Variants in FADS2 observed in about 807,000 individuals in gnomAD.
The protein encoded by FADS2 is acyl-CoA 6-desaturase.
In FADS2, 18 loss-of-function variants were observed where a neutral mutation model predicts 61.2. The observed-to-expected ratio is 0.29, with a 90% CI of 0.20 to 0.44. FADS2 has a LOEUF of 0.44. FADS2 is among the 20% of genes least tolerant of loss of function. The pLI, the probability that FADS2 is intolerant of heterozygous loss-of-function variation, is 1.00. For missense variants in FADS2, 322 were observed against 572.7 expected (o/e 0.56, Z 4.47); for synonymous variants, 203 against 223.9 (o/e 0.91, Z 0.83).
In FADS2 at chr11:61,816,750, G is replaced by A. The variant is rs1299283212; in HGVS notation, c.141+324G>A. The A allele has an allele frequency of 1.3e-6, 2 of 1,549,022 alleles. No homozygotes were observed. The highest frequency in any genetic ancestry group is 1.7e-6 in the Non-Finnish European group (2 of 1,148,388). Reference sequence around the variant, plus strand: ...CCGCGGTCTCGGCGGCCACCGGGTCGGGGGCCATAGCTGGCCTGGCGACGC... The same window carrying A: ...CCGCGGTCTCGGCGGCCACCGGGTCAGGGGCCATAGCTGGCCTGGCGACGC... On this transcript the variant is annotated intron_variant, in intron 1 of 11. Transcript: ENST00000257261. The surrounding 1 kb of genome is among the most constrained non-coding windows in gnomAD (Gnocchi z 7.0).
chr11:61,843,719 C>T (rs1334471348), intron 4 of FADS2, among the ~76,000 whole-genome samples: 4 of 152,154 alleles, frequency 2.6e-5, no homozygotes, highest in African/African-American at 9.7e-5. Context: ...AGTGCAATGG[C>T]GTGATCTCAA....
intron 10 of FADS2, among the ~76,000 whole-genome samples, chr11:61,864,890 A>G (rs2067452910): frequency 6.6e-6 from 1 of 152,118 alleles, no homozygotes; most frequent in African/African-American, 2.4e-5. Flanking sequence ...TTTGAAAAAC[A>G]TGACACTTTG....
At chr11:61,839,071 C>T (rs1299667040) in intron 2 of FADS2, among the ~76,000 whole-genome samples, 2 of 152,112 alleles carry the variant, frequency 1.3e-5, no homozygotes, top group Non-Finnish European at 2.9e-5. Context: ...CCGGCCCTGC[C>T]CCTGCCTCTT....
At chr11:61,830,707 C>A (rs923380663) in intron 1 of FADS2, among the ~76,000 whole-genome samples, 1 of 152,204 alleles carries the variant, frequency 6.6e-6, no homozygotes, top group African/African-American at 2.4e-5. Flanking sequence ...GATGTCATTA[C>A]TGGGCTCATC....
chr11:61,835,193 G>A (rs2135957784), intron 1 of FADS2, among the ~76,000 whole-genome samples: 1 of 152,110 alleles, frequency 6.6e-6, no homozygotes, highest in East Asian at 1.9e-4. Context: ...TTAAGAAACC[G>A]TGGGCCCAGT....
intron 4 of FADS2, 78 bp downstream of exon 4, chr11:61,840,803 G>C (rs1378646671): frequency 2.5e-5 from 27 of 1,087,676 alleles, no homozygotes; most frequent in Non-Finnish European, 3.4e-5. Flanking sequence ...TCTCTGCTCA[G>C]TGCTCTGAGG....
Position 61,860,780 on chromosome 11 carries a change from G to T in FADS2, c.883-2192G>T, listed in dbSNP as rs1300042593. On this transcript the variant is annotated intron_variant, in intron 7 of 11. Coordinates refer to ENST00000278840, the MANE Select transcript of FADS2 (RefSeq NM_004265.4). ...TACAAAAAGCTGGGCGTGGTGATGC[G>T]CGCCTGTAATCTACCTACTTTGGAG... Among the ~76,000 whole-genome samples the T allele has an allele frequency of 5.9e-5, 9 of 152,100 alleles. No individual in the cohort carries two copies. In the South Asian group the frequency reaches 1.9e-3, roughly 32 times the overall value.
rs535378345 is a variant in FADS2, at chr11:61,863,838, G to A, written c.1157+52G>A. 8 of 1,408,084 alleles carry A rather than the reference G, an allele frequency of 5.7e-6. No individual in the cohort carries two copies. In the Admixed American group the frequency reaches 1.2e-4, roughly 21 times the overall value. The allele number at this position is 1,408,084 out of a possible 1,614,324, so 87.2% of individuals were successfully genotyped here. A position where few individuals can be genotyped will look rare whatever the true frequency, so the allele number is the denominator to read the frequency against. On this transcript the variant is annotated intron_variant, in intron 10 of 11. Transcript: ENST00000278840. ...GGAGACCCACAGCGGGAGGGAAGTG[G>A]CCGCTATCCCACTGGGCAGAATGCA...
At chr11:61,841,742 A>G (rs147503070) in intron 4 of FADS2, among the ~76,000 whole-genome samples, 62 of 152,286 alleles carry the variant, frequency 4.1e-4, no homozygotes, top group African/African-American at 1.5e-3. Flanking sequence ...AGCCACTTCA[A>G]ATACTCTTTG....
At chr11:61,862,922 C>G in intron 7 of FADS2, 50 bp from the exon 8 acceptor site, 2 of 1,477,532 alleles carry the variant, frequency 1.4e-6, no homozygotes, top group Non-Finnish European at 1.9e-6. Flanking sequence ...GCACTTGGTG[C>G]CAGGGCAGAG....
At chr11:61,839,887 T>C (rs1444816197) in intron 2 of FADS2, among the ~76,000 whole-genome samples, 2 of 152,252 alleles carry the variant, frequency 1.3e-5, no homozygotes, top group African/African-American at 4.8e-5. Context: ...CCTGTTTCCC[T>C]TAGCATGATG....
At chr11:61,822,420 T>C (rs1464292607) in intron 1 of FADS2, among the ~76,000 whole-genome samples, 1 of 152,252 alleles carries the variant, frequency 6.6e-6, no homozygotes, top group Non-Finnish European at 1.5e-5. Flanking sequence ...AACTTATTTA[T>C]AACTTTTAGT....
chr11:61,840,657 C>T lies in FADS2; in HGVS notation c.550C>T (p.His184Tyr). The T allele has an allele frequency of 6.2e-7, 1 of 1,614,170 alleles. No homozygotes were observed. Among genetic ancestry groups the T allele is most frequent in the Non-Finnish European group, 8.5e-7 (1 of 1,180,020 alleles). ...TGGATGGCTGCAACATGATTATGGC[C>T]ACCTGTCTGTCTACAGAAAACCCAA... is the stretch of plus-strand genomic sequence containing the variant. ...QAGWLQHDYG[H>Y]LSVYRKPKWN... Residue 184 changes from histidine to tyrosine, a missense_variant, in exon 4 of 12, where the codon CAC (histidine) becomes TAC (tyrosine). This residue lies in a region of FADS2 where 221 missense variants were observed against 427.9 expected (regional missense o/e 0.52). Coordinates refer to ENST00000278840, the MANE Select transcript of FADS2 (RefSeq NM_004265.4).
At chr11:61,833,906 C>T (rs2524296) in intron 1 of FADS2, among the ~76,000 whole-genome samples, 14,742 of 152,242 alleles carry the variant, frequency 0.097, 1,314 homozygotes, top group East Asian at 0.4. Flanking sequence ...TATTAGGCCC[C>T]GTTACAGGCA....
chr11:61,851,991 C>G (rs557031984), intron 5 of FADS2, among the ~76,000 whole-genome samples: 41 of 152,224 alleles, frequency 2.7e-4, no homozygotes, highest in African/African-American at 9.6e-4. Flanking sequence ...TAACTTCTGC[C>G]AAATGGGATA....
intron 7 of FADS2, among the ~76,000 whole-genome samples, chr11:61,861,353 C>CAAAAAAAAAAAAAAAAAAAACAA (rs58136105): frequency 1.0e-4 from 3 of 29,728 alleles, no homozygotes; most frequent in African/African-American, 2.8e-4. Flanking sequence ...GACTCCCTCT[C>CAAAAAAAAAAAAAAAAAAAACAA]AAAAAAAAAA....
At chr11:61,834,780 A>G (rs897205074) in intron 1 of FADS2, among the ~76,000 whole-genome samples, 2 of 151,982 alleles carry the variant, frequency 1.3e-5, no homozygotes, top group African/African-American at 4.8e-5. Flanking sequence ...TGTGAGGAGG[A>G]CCAATGAAGG....
At chr11:61,824,494 GAAAGAAAGGAAAGAAAGAAAGAA>G (rs2067063854), upstream of FADS2, among the ~76,000 whole-genome samples, 2 of 8,478 alleles carry the variant, frequency 2.4e-4, no homozygotes, top group African/African-American at 3.2e-4. Context: ...GAGAGAGAAA[GAAAGAAAGGAAAGAAAGAAAGAA>G]AGAAAGAAAG....
At chr11:61,837,706 C>A in intron 1 of FADS2, 72 bp from the exon 2 acceptor site, 2 of 1,035,402 alleles carry the variant, frequency 1.9e-6, no homozygotes, top group East Asian at 2.6e-5. Flanking sequence ...TGCTGGTGAG[C>A]ACTGTCCTCC....
Sources: allele counts gnomAD v4.1 joint callset (sites outside exome capture counted in the v4.1 genomes callset), GRCh38; gene constraint gnomAD v4.1.1; regional missense constraint gnomAD v4.1.1; non-coding constraint Gnocchi (gnomAD v3.1); transcripts MANE v1.5; gene names NCBI Gene and HGNC (gene_info 2026-07-23, HGNC 2026-07-21).